NELFB: variants seen among roughly 807,000 people sequenced by gnomAD.
NELFB encodes the protein negative elongation factor complex member B.
A neutral mutation model predicts 60.2 loss-of-function variants in NELFB; 34 were observed. The observed-to-expected ratio is 0.56, with a 90% CI of 0.43 to 0.75. The LOEUF (loss-of-function observed/expected upper bound fraction) is 0.75, where lower values mean the gene tolerates loss of function less well. NELFB is among the 30% of genes least tolerant of loss of function. The pLI is 0.00. For synonymous variants in NELFB, 459 were observed against 382.1 expected (o/e 1.20, Z -2.35); for missense variants, 770 against 831.6 (o/e 0.93, Z 0.91).
chr9:137,273,072 C>T lies in NELFB; in HGVS notation c.*144C>T. ...CCTGTCCTGCCGTCATGGCCCCCTG[C>T]TTCCTGCTCCTTGGAGCTGGCTCCC... On this transcript the variant is annotated 3_prime_UTR_variant, in exon 13 of 13. Coordinates refer to ENST00000343053, the MANE Select transcript of NELFB (RefSeq NM_015456.5). 2.2e-6 allele frequency: 2 copies of T among 911,086 alleles called. No individual in the cohort carries two copies. Among genetic ancestry groups the T allele is most frequent in the Non-Finnish European group, 3.1e-6 (2 of 638,806 alleles). The allele number at this position is 911,086 out of a possible 1,614,324, so 56.4% of individuals were successfully genotyped here. A position where few individuals can be genotyped will look rare whatever the true frequency, so the allele number is the denominator to read the frequency against.
intron 10 of NELFB, among the ~76,000 whole-genome samples, chr9:137,268,576 A>T (rs993015811): frequency 6.6e-6 from 1 of 151,808 alleles, no homozygotes; most frequent in African/African-American, 2.4e-5. Context: ...ACAGAGCGAG[A>T]CTCCGTCTCA....
chr9:137,267,459 C>T, intron 10 of NELFB, 113 bp downstream of exon 10: 2 of 759,158 alleles, frequency 2.6e-6, no homozygotes, highest in Non-Finnish European at 2.1e-6. Context: ...TCTCCCCAGC[C>T]CACCTCCAAC....
chr9:137,262,965 G>A (rs985670728), intron 4 of NELFB, 72 bp from the exon 5 acceptor site: 75 of 1,540,776 alleles, frequency 4.9e-5, no homozygotes, highest in Admixed American at 8.6e-5. Flanking sequence ...CCGCGCTGTC[G>A]CCGGGCGTGA....
chr9:137,270,643 CAG>C (rs1167171526), intron 10 of NELFB, among the ~76,000 whole-genome samples: 2 of 148,832 alleles, frequency 1.3e-5, no homozygotes, highest in African/African-American at 2.5e-5. Flanking sequence ...AAAAACTGGC[CAG>C]GCATGGTGGC....
At chr9:137,266,244 T>C in intron 7 of NELFB, 87 bp from the exon 8 acceptor site, 1 of 1,184,548 alleles carries the variant, frequency 8.4e-7, no homozygotes, top group Non-Finnish European at 1.2e-6. Context: ...GCACCAGAGA[T>C]CCTGCTGAGT....
At chr9:137,272,708 CGGTG>C (rs1830598864) in intron 12 of NELFB, 70 bp from the exon 13 acceptor site, 1 of 1,518,938 alleles carries the variant, frequency 6.6e-7, no homozygotes, top group African/African-American at 1.4e-5. Context: ...TGTGTGTGGT[CGGTG>C]GGCACCCACC....
chr9:137,256,541 C>A, intron 3 of NELFB, 113 bp downstream of exon 3: 1 of 934,186 alleles, frequency 1.1e-6, no homozygotes, highest in Non-Finnish European at 1.7e-6. Flanking sequence ...TGCTGCCTGC[C>A]CAAGTGCTGT....
rs977629849 is a variant in NELFB at position 137,255,385 on chromosome 9, C to T, written c.20C>T (p.Ala7Val). ...CGGGACCTGGCCGAGCTGGAGGGCG[C>T]CGGGGAGCGGGGCTCGGGCGGTCCC... The change falls in exon 1 of 13, where the codon GCC becomes GTC. Residue 7 changes from alanine to valine, a missense_variant. Transcript: ENST00000343053. 2.4e-5 allele frequency: 17 copies of T among 700,818 alleles called. No homozygotes were observed. The highest frequency in any genetic ancestry group is 2.1e-4 in the East Asian group (6 of 27,998). 43.4% of individuals were successfully genotyped at this position (700,818 alleles called of 1,614,324 possible).
Position 137,266,402 on chromosome 9 carries a change from C to G in NELFB, c.1215C>G (p.Ser405Arg). ...AGGGAGCCTGGGACATGATCGACAG[C>G]CAGGTCTTCAAGGAGCCCAAGATGG... is the stretch of plus-strand genomic sequence containing the variant. The change falls in exon 8 of 13, where the codon AGC (serine) becomes AGG (arginine). Residue 405 changes from serine (S) to arginine (R), a missense_variant. Physicochemically the swap from Ser to Arg is moderately radical, Grantham distance 110 (BLOSUM62 -1). Coordinates refer to ENST00000343053, the MANE Select transcript of NELFB (RefSeq NM_015456.5). 1 of 1,612,938 alleles carries G rather than the reference C, an allele frequency of 6.2e-7. No individual in the cohort carries two copies. The highest frequency in any genetic ancestry group is 1.1e-5 in the South Asian group (1 of 91,084).
intron 3 of NELFB, 74 bp downstream of exon 3, chr9:137,256,502 G>C: frequency 7.4e-7 from 1 of 1,357,236 alleles, no homozygotes; most frequent in Non-Finnish European, 1.0e-6. Context: ...TGGAAGTTCC[G>C]GTGGCCGCCT....
At chr9:137,272,372 C>T in intron 11 of NELFB, 135 bp from the exon 12 acceptor site, 1 of 1,458,960 alleles carries the variant, frequency 6.9e-7, no homozygotes, top group Non-Finnish European at 9.3e-7. Flanking sequence ...CTGCAGGGTG[C>T]CTGGGCACAG....
At chr9:137,270,459 G>A (rs747886075) in intron 10 of NELFB, among the ~76,000 whole-genome samples, 2 of 149,084 alleles carry the variant, frequency 1.3e-5, no homozygotes, top group Non-Finnish European at 3.0e-5. Context: ...CGTGTGTGAC[G>A]CATGCCTGTA....
intron 10 of NELFB, 108 bp downstream of exon 10, chr9:137,267,454 C>T: frequency 1.2e-6 from 1 of 806,034 alleles, no homozygotes; most frequent in Non-Finnish European, 1.9e-6. Context: ...CCTTGTCTCC[C>T]CAGCCCACCT....
chr9:137,256,030 C>T lies in NELFB; in HGVS notation c.370C>T (p.Arg124Ter). The change falls in exon 2 of 13, where the codon CGA becomes TGA. Residue 124 changes from arginine to a stop codon, truncating the protein, a stop_gained. Transcript: ENST00000343053. LOFTEE classifies it high-confidence loss of function. The stretch of plus-strand genomic sequence containing the variant: ...TGAGCTGCGGGACAAGCTGCTGGAG[C>T]GAGTGTCAGCCATCGCTTCGGAGGG... 2 of 1,613,678 alleles carry T rather than the reference C, an allele frequency of 1.2e-6. No individual in the cohort carries two copies. The highest frequency in any genetic ancestry group is 1.1e-5 in the South Asian group (1 of 91,082).
rs1192179247 is a variant in NELFB, at chr9:137,269,418, A to C, written c.1489+2072A>C. ...GCCGCCGGGCAGAGCCGGTTTGTTTATTTTTTGAGACTTCCGGGAACATAG... is the reference window on the plus strand; with the variant it reads ...GCCGCCGGGCAGAGCCGGTTTGTTTCTTTTTTGAGACTTCCGGGAACATAG... On this transcript the variant is annotated intron_variant, in intron 10 of 12. Coordinates refer to ENST00000343053, the MANE Select transcript of NELFB (RefSeq NM_015456.5). The surrounding 1 kb of genome is among the most constrained non-coding windows in gnomAD (Gnocchi z 5.3). Among the ~76,000 whole-genome samples the C allele has an allele frequency of 6.6e-6, 1 of 152,020 alleles. No homozygotes were observed. The highest frequency in any genetic ancestry group is 1.5e-5 in the Non-Finnish European group (1 of 67,982).
At chr9:137,271,158 G>T (rs1434602772) in intron 10 of NELFB, among the ~76,000 whole-genome samples, 1 of 152,274 alleles carries the variant, frequency 6.6e-6, no homozygotes, top group Non-Finnish European at 1.5e-5. Flanking sequence ...GGGCCTTGCT[G>T]CTGGATCCCC....
At position 137,256,362 on chromosome 9, in the gene NELFB, C is replaced by G; in HGVS notation, c.444C>G (p.Ser148Arg). 1.2e-6 allele frequency: 2 copies of G among 1,614,056 alleles called. No individual in the cohort carries two copies. The highest frequency in any genetic ancestry group is 1.7e-6 in the Non-Finnish European group (2 of 1,180,020). ...AGCTGGAAGACCTTCTGGAGAAGAG[C>G]TTTTCTCTGGTGAAGATGCCGTCCC... is the stretch of plus-strand genomic sequence containing the variant. Residue 148 changes from serine to arginine, a missense_variant, in exon 3 of 13, where the codon AGC (serine) becomes AGG (arginine). Transcript: ENST00000343053.
At chr9:137,265,739 C>CTTT in intron 6 of NELFB, 138 bp from the exon 7 acceptor site, 1 of 644,402 alleles carries the variant, frequency 1.6e-6, no homozygotes. Context: ...CATCCTTAAG[C>CTTT]TTTTTGTAAG....
rs747320505 is a variant in NELFB at position 137,272,245 on chromosome 9, G to C, written c.1631+23G>C. On this transcript the variant is annotated intron_variant, in intron 11 of 12. Transcript: ENST00000343053. ...AAGGTAGGCCTGCTGGGTACCATCC[G>C]GCCCGCTCTGTCCTCTCAGCTCTTG... 37 of 1,612,680 alleles carry C rather than the reference G, an allele frequency of 2.3e-5. 1 individual carries two copies. In the South Asian group the frequency reaches 3.8e-4, roughly 17 times the overall value.
Sources: gnomAD v4.1 joint callset for allele counts (sites outside exome capture counted in the v4.1 genomes callset) on GRCh38, gnomAD v4.1.1 for gene constraint, Gnocchi (gnomAD v3.1) non-coding constraint, MANE v1.5 for transcripts, NCBI Gene and HGNC (gene_info 2026-07-23, HGNC 2026-07-21) for gene names.